The following MAPK6 variants were observed in gnomAD, a reference collection of about 807,000 sequenced individuals.
The protein encoded by MAPK6 is ERK-3.
In MAPK6, 19 loss-of-function variants were observed where a neutral mutation model predicts 59.3. The ratio of observed to expected loss-of-function variants is 0.32; its 90% CI spans 0.22 to 0.47. The LOEUF (loss-of-function observed/expected upper bound fraction) is 0.47. Ranked by LOEUF, MAPK6 falls within the 20% of genes least tolerant of loss-of-function variation. The pLI, the probability that MAPK6 is intolerant of heterozygous loss-of-function variation, is 1.00. For missense variants in MAPK6, 724 were observed against 847.9 expected, an observed-to-expected ratio of 0.85 and a Z score of 1.81; for synonymous variants, 316 against 290.3, an observed-to-expected ratio of 1.09 and a Z score of -0.90.
chr15:52,003,958 G>A (rs2057250186), intron 2 of MAPK6, among the ~76,000 whole-genome samples: 1 of 152,158 alleles, frequency 6.6e-6, no homozygotes, highest in African/African-American at 2.4e-5. Context: ...CATTTACACT[G>A]GCCTTTAATT....
intron 2 of MAPK6, among the ~76,000 whole-genome samples, chr15:52,000,783 G>C (rs2141823947): frequency 6.6e-6 from 1 of 151,790 alleles, no homozygotes; most frequent in East Asian, 1.9e-4. Context: ...TTGGGCGACA[G>C]AGAGAGACTC....
At chr15:52,021,654 T>G (rs1428023854) in intron 1 of MAPK6, 2 of 152,218 alleles carry the variant, frequency 1.3e-5, no homozygotes, top group Non-Finnish European at 2.9e-5. Flanking sequence ...TTACAGGTTG[T>G]TTATAAAGGA....
intron 2 of MAPK6, among the ~76,000 whole-genome samples, chr15:51,998,377 G>T (rs547407055): frequency 1.3e-5 from 2 of 151,332 alleles, no homozygotes; most frequent in Non-Finnish European, 2.9e-5. Flanking sequence ...GCTAATTTTT[G>T]TATTTTTAGT....
intron 2 of MAPK6, among the ~76,000 whole-genome samples, chr15:51,988,314 T>TA (rs148717615): frequency 0.02 from 3,058 of 151,968 alleles, 78 homozygotes; most frequent in Middle Eastern, 0.078. Flanking sequence ...AATACATATA[T>TA]AGGCTAAAAA....
chr15:52,038,107 A>G (rs1476689183), intron 1 of MAPK6, among the ~76,000 whole-genome samples: 2 of 151,374 alleles, frequency 1.3e-5, no homozygotes, highest in Non-Finnish European at 2.9e-5. Context: ...AATCCACTAC[A>G]TGCCCCTGTG....
intron 1 of MAPK6, chr15:52,042,718 T>TG (rs1261088623): frequency 1.3e-5 from 2 of 152,212 alleles, no homozygotes; most frequent in Non-Finnish European, 2.9e-5. Context: ...AGAGAGAACT[T>TG]GGAGATCTTA....
At chr15:51,993,096 TC>T (rs2057214855) in intron 2 of MAPK6, among the ~76,000 whole-genome samples, 1 of 152,080 alleles carries the variant, frequency 6.6e-6, no homozygotes, top group African/African-American at 2.4e-5. Context: ...CATAGTTGGT[TC>T]CCCTGGCAAC....
intron 3 of MAPK6, among the ~76,000 whole-genome samples, chr15:52,011,761 T>G (rs1385629899): frequency 1.3e-5 from 2 of 152,240 alleles, no homozygotes; most frequent in Non-Finnish European, 2.9e-5. Flanking sequence ...ACTGTGAGAA[T>G]GAACTGTACT....
At chr15:51,991,148 TACACAC>T (rs933912695) in intron 2 of MAPK6, among the ~76,000 whole-genome samples, 2,581 of 140,692 alleles carry the variant, frequency 0.018, 80 homozygotes, top group African/African-American at 0.067. Flanking sequence ...TATATATATA[TACACAC>T]ACACACACAC....
chr15:51,977,256 G>A lies in MAPK6; in HGVS notation c.-880+5350G>A, dbSNP rs143859477. Among the ~76,000 whole-genome samples the A allele has an allele frequency of 4.7e-3, 708 of 151,760 alleles. 7 individuals are homozygous for A. The highest frequency in any genetic ancestry group is 0.017 in the African/African-American group (686 of 41,468). Reference sequence around the variant, plus strand: ...GAGCTCAGGCAATCCATCCACCTTGGCCTCACTAAGTGCTAGGATTACAGA... The same window carrying A: ...GAGCTCAGGCAATCCATCCACCTTGACCTCACTAAGTGCTAGGATTACAGA... On this transcript the variant is annotated intron_variant, in intron 1 of 7. Coordinates refer to the MAPK6 transcript ENST00000691380.
chr15:52,050,826 C>G (rs1307699641), intron 3 of MAPK6, among the ~76,000 whole-genome samples: 1 of 152,052 alleles, frequency 6.6e-6, no homozygotes, highest in African/African-American at 2.4e-5. Flanking sequence ...GAGTATAAGC[C>G]TGGTGCATTC....
intron 3 of MAPK6, among the ~76,000 whole-genome samples, chr15:52,053,985 CTT>C (rs747813343): frequency 2.0e-5 from 3 of 151,900 alleles, no homozygotes; most frequent in Non-Finnish European, 4.4e-5. Context: ...TCTTTTGTCT[CTT>C]TTGTTTTTGG....
intron 2 of MAPK6, among the ~76,000 whole-genome samples, chr15:52,000,284 T>C (rs2057238500): frequency 6.6e-6 from 1 of 152,196 alleles, no homozygotes; most frequent in African/African-American, 2.4e-5. Context: ...CAAAAGTTTT[T>C]CATTTATATG....
intron 1 of MAPK6, among the ~76,000 whole-genome samples, chr15:52,022,021 A>C (rs1269549923): frequency 6.6e-6 from 1 of 152,184 alleles, no homozygotes; most frequent in Non-Finnish European, 1.5e-5. Flanking sequence ...AAAAAGATTG[A>C]GAATGGCAGT....
At chr15:52,047,967 C>T (rs1037999079) in intron 2 of MAPK6, among the ~76,000 whole-genome samples, 1 of 152,012 alleles carries the variant, frequency 6.6e-6, no homozygotes. Context: ...ATTTTTCAAG[C>T]TGAACCTTGG....
At chr15:52,057,734 G>GT (rs1202009501) in intron 3 of MAPK6, among the ~76,000 whole-genome samples, 1 of 152,112 alleles carries the variant, frequency 6.6e-6, no homozygotes, top group Non-Finnish European at 1.5e-5. Flanking sequence ...TAGAGATGGG[G>GT]TTTTACCATG....
chr15:51,974,339 A>G (rs1015987960), intron 1 of MAPK6, among the ~76,000 whole-genome samples: 1 of 151,610 alleles, frequency 6.6e-6, no homozygotes, highest in South Asian at 2.1e-4. Context: ...TTTGTGTTCA[A>G]CTAATTTAAC....
At chr15:52,037,670 AGAGT>A (rs1481506993) in intron 1 of MAPK6, among the ~76,000 whole-genome samples, 1 of 152,178 alleles carries the variant, frequency 6.6e-6, no homozygotes, top group East Asian at 1.9e-4. Context: ...GCATTCGCAT[AGAGT>A]GAGGGTCCTG....
chr15:52,049,487 C>T (rs573635720), intron 2 of MAPK6, among the ~76,000 whole-genome samples: 2 of 151,850 alleles, frequency 1.3e-5, no homozygotes, highest in East Asian at 3.9e-4. Flanking sequence ...GCCACCATGC[C>T]AGGCTAATTC....
Sources: gnomAD v4.1 joint callset for allele counts (sites outside exome capture counted in the v4.1 genomes callset) on GRCh38, gnomAD v4.1.1 for gene constraint, MANE v1.5 for transcripts, NCBI Gene and HGNC (gene_info 2026-07-23, HGNC 2026-07-21) for gene names.